The following DNAH14 variants were observed in gnomAD, a reference collection of about 807,000 sequenced individuals.
DNAH14 encodes the protein axonemal beta dynein heavy chain 14.
A neutral mutation model predicts 520.9 loss-of-function variants in DNAH14; 478 were observed. The ratio of observed to expected loss-of-function variants is 0.92; its 90% CI spans 0.85 to 0.99. DNAH14 has a LOEUF of 0.99. Ranked by LOEUF, DNAH14 falls within the 50% of genes least tolerant of loss-of-function variation. The pLI is 0.00. For missense variants in DNAH14, 4,831 were observed against 5,234.5 expected, an observed-to-expected ratio of 0.92 and a Z score of 2.38; for synonymous variants, 1,581 against 1,757.2, an observed-to-expected ratio of 0.90 and a Z score of 2.51.
intron 10 of DNAH14, among the ~76,000 whole-genome samples, chr1:225,018,718 A>G (rs1035202280): frequency 6.6e-6 from 1 of 152,224 alleles, no homozygotes; most frequent in Non-Finnish European, 1.5e-5. Context: ...CAGAAACCTT[A>G]CAAGTCTACA....
chr1:225,324,274 A>T lies in DNAH14; in HGVS notation c.9548A>T (p.Lys3183Met). ...ACCTTACCTGATTTCAACCCACACA[A>T]GATTTCGCTGGTTTCTGTTGCTTGT... ...IVTLPDFNPH[K>M]ISLVSVACCS... Residue 3183 changes from lysine (K) to methionine (M), a missense_variant, in exon 63 of 86, where the codon AAG becomes ATG. Transcript: ENST00000682510. 6.4e-7 allele frequency: 1 copy of T among 1,551,768 alleles called. No individual in the cohort carries two copies. Among genetic ancestry groups the T allele is most frequent in the Non-Finnish European group, 8.7e-7 (1 of 1,146,998 alleles).
chr1:225,339,910 C>T (rs1401452828), intron 68 of DNAH14, among the ~76,000 whole-genome samples: 1 of 152,194 alleles, frequency 6.6e-6, no homozygotes. Flanking sequence ...TTCCCTCTTC[C>T]TCCTCTGCCT....
intron 17 of DNAH14, among the ~76,000 whole-genome samples, chr1:225,055,866 C>A (rs559066136): frequency 6.6e-6 from 1 of 152,068 alleles, no homozygotes; most frequent in South Asian, 2.1e-4. Context: ...GACATGAACT[C>A]ATCATTTTTT....
intron 23 of DNAH14, among the ~76,000 whole-genome samples, chr1:225,106,734 G>C (rs891450420): frequency 4.6e-5 from 7 of 152,042 alleles, no homozygotes; most frequent in African/African-American, 1.7e-4. Context: ...GCTCCATCAG[G>C]TCCTTTAAGG....
At chr1:225,107,176 A>G (rs1361464185) in intron 23 of DNAH14, among the ~76,000 whole-genome samples, 2 of 152,172 alleles carry the variant, frequency 1.3e-5, no homozygotes, top group Non-Finnish European at 2.9e-5. Context: ...TCAGCAGCGG[A>G]GGCTGCAGAA....
intron 34 of DNAH14, among the ~76,000 whole-genome samples, chr1:225,155,454 T>C (rs2080934450): frequency 6.6e-6 from 1 of 152,204 alleles, no homozygotes; most frequent in East Asian, 1.9e-4. Flanking sequence ...CTGTATAATA[T>C]TGATGGCATG....
In DNAH14 at chr1:225,331,443, G is replaced by A; in HGVS notation, c.9730G>A (p.Glu3244Lys). The change falls in exon 65 of 86, where the codon GAA (glutamate) becomes AAA (lysine). Residue 3244 changes from glutamate to lysine, a missense_variant. By Grantham distance (56) the Glu-to-Lys change is moderately conservative. Coordinates refer to ENST00000682510, the MANE Select transcript of DNAH14 (RefSeq NM_001367479.1). ...EKQRGLQLVEEHLLFLQAAYK... is the reference protein window; with the variant it reads ...EKQRGLQLVEKHLLFLQAAYK... ...TGAATTAATTATCTTTCAGGTTGAA[G>A]AACATTTGCTGTTTTTACAGGCAGC... 1 of 1,549,902 alleles carries A rather than the reference G, an allele frequency of 6.5e-7. No homozygotes were observed. Among genetic ancestry groups the A allele is most frequent in the Non-Finnish European group, 8.7e-7 (1 of 1,146,314 alleles).
chr1:225,066,248 T>C (rs1472234358), intron 17 of DNAH14, among the ~76,000 whole-genome samples: 2 of 152,068 alleles, frequency 1.3e-5, no homozygotes, highest in African/African-American at 2.4e-5. Flanking sequence ...TTATCAGATG[T>C]ATAGCTTGCA....
intron 17 of DNAH14, among the ~76,000 whole-genome samples, chr1:225,063,687 A>G (rs1395323120): frequency 2.0e-5 from 3 of 152,134 alleles, no homozygotes; most frequent in Non-Finnish European, 4.4e-5. Context: ...GTGTAATTAT[A>G]GTTCTATGGG....
At chr1:225,388,568 C>A in intron 82 of DNAH14, 77 bp downstream of exon 82, 1 of 778,406 alleles carries the variant, frequency 1.3e-6, no homozygotes. Flanking sequence ...ATTTCCCATG[C>A]TTGGTCTCCT....
intron 10 of DNAH14, among the ~76,000 whole-genome samples, chr1:225,009,281 ATAAGGTG>A: frequency 6.6e-6 from 1 of 152,294 alleles, no homozygotes; most frequent in Non-Finnish European, 1.5e-5. Context: ...TAATTTTTGT[ATAAGGTG>A]TAAGGAAGGG....
intron 23 of DNAH14, among the ~76,000 whole-genome samples, chr1:225,104,130 G>A (rs1294680883): frequency 1.3e-5 from 2 of 152,156 alleles, no homozygotes; most frequent in South Asian, 2.1e-4. Context: ...GGCCTTTTCT[G>A]CATCTATTGA....
Position 224,929,742 on chromosome 1 carries a change from A to T in DNAH14, c.-127A>T. 1 of 702,124 alleles carries T rather than the reference A, an allele frequency of 1.4e-6. No homozygotes were observed. Among genetic ancestry groups the T allele is most frequent in the Non-Finnish European group, 2.6e-6 (1 of 384,764 alleles). The allele number at this position is 702,124 out of a possible 1,614,324, so 43.5% of individuals were successfully genotyped here. A position where few individuals can be genotyped will look rare whatever the true frequency, so the allele number is the denominator to read the frequency against. On this transcript the variant is annotated 5_prime_UTR_variant, in exon 1 of 86. Transcript: ENST00000682510. ...AGGGCTGTGCTGCGCGGTCCTTCCCATTCACCCTAGTCTGGCGCTCGCCGG... is the reference window on the plus strand; with the variant it reads ...AGGGCTGTGCTGCGCGGTCCTTCCCTTTCACCCTAGTCTGGCGCTCGCCGG...
At chr1:225,032,651 C>T (rs981799886) in intron 11 of DNAH14, among the ~76,000 whole-genome samples, 2 of 152,054 alleles carry the variant, frequency 1.3e-5, no homozygotes, top group Non-Finnish European at 1.5e-5. Flanking sequence ...TTTGAGTAAT[C>T]GCCATACTGT....
rs537225692 is a variant in DNAH14, at chr1:225,345,204, C to T, written c.10679-758C>T. ...GTGGTATATACTAATTTCATTATTCCCAGCAATGGTCATATCAAGCTGAAA... is the reference window on the plus strand; with the variant it reads ...GTGGTATATACTAATTTCATTATTCTCAGCAATGGTCATATCAAGCTGAAA... On this transcript the variant is annotated intron_variant, in intron 69 of 85. Transcript: ENST00000682510. Among the ~76,000 whole-genome samples, 5 of 152,194 alleles carry T rather than the reference C, an allele frequency of 3.3e-5. No individual in the cohort carries two copies. The South Asian group carries it at 8.3e-4, about 25-fold the overall frequency.
chr1:225,003,478 A>G (rs1013756520), intron 9 of DNAH14, among the ~76,000 whole-genome samples: 1 of 152,112 alleles, frequency 6.6e-6, no homozygotes, highest in African/African-American at 2.4e-5. Flanking sequence ...AAATTGATAG[A>G]GTTATCTAGA....
chr1:225,265,187 C>T lies in DNAH14; in HGVS notation c.7228C>T (p.Pro2410Ser). The change falls in exon 48 of 86, where the codon CCC becomes TCC. Residue 2410 changes from proline to serine, a missense_variant. By Grantham distance (74) the Pro-to-Ser change is moderately conservative. Coordinates refer to ENST00000682510, the MANE Select transcript of DNAH14 (RefSeq NM_001367479.1). ...TTCTATGTTTGGCATCACAGATAAT[C>T]CCACTAAAAAGCCAGAAGTTAGAAC... ...HKTATGSSDN[P>S]TKKPEVRTNK... 6.8e-7 allele frequency: 1 copy of T among 1,465,236 alleles called. No individual in the cohort carries two copies. The highest frequency in any genetic ancestry group is 9.0e-7 in the Non-Finnish European group (1 of 1,114,968). The allele number at this position is 1,465,236 out of a possible 1,614,324, so 90.8% of individuals were successfully genotyped here.
intron 17 of DNAH14, among the ~76,000 whole-genome samples, chr1:225,056,960 A>G (rs2069184198): frequency 6.6e-6 from 1 of 152,182 alleles, no homozygotes. Flanking sequence ...GAAGTCAGGT[A>G]GCGTGATGTG....
At chr1:225,112,487 T>G (rs1209041425) in intron 23 of DNAH14, among the ~76,000 whole-genome samples, 2 of 152,286 alleles carry the variant, frequency 1.3e-5, no homozygotes, top group East Asian at 3.9e-4. Flanking sequence ...ATAACCTTCT[T>G]GTACTTCAAT....
Sources: allele counts gnomAD v4.1 joint callset (sites outside exome capture counted in the v4.1 genomes callset), GRCh38; gene constraint gnomAD v4.1.1; transcripts MANE v1.5; gene names NCBI Gene and HGNC (gene_info 2026-07-23, HGNC 2026-07-21).